Variants in TMEM108 observed in about 807,000 individuals in gnomAD.
TMEM108 encodes cancer/testis antigen 124.
Under a neutral mutation model 35.1 loss-of-function variants are expected in TMEM108, and 12 were observed. That is an observed-to-expected ratio of 0.34 (90% confidence interval 0.22 to 0.55). The LOEUF (loss-of-function observed/expected upper bound fraction) is 0.55. Among genes scored for constraint, TMEM108 ranks in the 20% least tolerant of loss-of-function variants. TMEM108 has a pLI of 0.89. For synonymous variants in TMEM108, 287 were observed against 308.6 expected (o/e 0.93, Z 0.73); for missense variants, 680 against 753.3 (o/e 0.90, Z 1.14).
rs551932036 is a variant in TMEM108, at chr3:133,177,210, A to G, written c.-46-52056A>G. On this transcript the variant is annotated intron_variant, in intron 2 of 5. Coordinates refer to ENST00000321871, the MANE Select transcript of TMEM108 (RefSeq NM_023943.4). ...ACCAAAAAAGTCCAGGACCAGATGGATTCACAGCCGAATTCTACCAGAGGT... is the reference window on the plus strand; with the variant it reads ...ACCAAAAAAGTCCAGGACCAGATGGGTTCACAGCCGAATTCTACCAGAGGT... Among the ~76,000 whole-genome samples the G allele has an allele frequency of 2.6e-5, 4 of 152,348 alleles. No homozygotes were observed. In the South Asian group the frequency reaches 8.3e-4, roughly 32 times the overall value.
intron 3 of TMEM108, among the ~76,000 whole-genome samples, chr3:133,342,555 T>TATATATATATAC (rs60991711): frequency 0.083 from 5,268 of 63,444 alleles, 871 homozygotes; most frequent in Non-Finnish European, 0.14. Flanking sequence ...TATATATATA[T>TATATATATATAC]ACACACACAC....
intron 3 of TMEM108, among the ~76,000 whole-genome samples, chr3:133,304,888 C>T (rs1018600409): frequency 2.0e-5 from 3 of 151,968 alleles, no homozygotes; most frequent in Non-Finnish European, 4.4e-5. Flanking sequence ...TCAACAGCAG[C>T]TTGACCAACA....
chr3:133,350,415 A>G (rs1031013494), intron 3 of TMEM108, among the ~76,000 whole-genome samples: 5 of 151,922 alleles, frequency 3.3e-5, no homozygotes, highest in Admixed American at 6.6e-5. Flanking sequence ...ACTAAATACT[A>G]GAAGAGAGGC....
At chr3:133,315,539 C>T (rs2071188526) in intron 3 of TMEM108, among the ~76,000 whole-genome samples, 1 of 152,194 alleles carries the variant, frequency 6.6e-6, no homozygotes, top group African/African-American at 2.4e-5. Context: ...ACACAGATTC[C>T]ATAAAGAGCC....
At chr3:133,076,734 A>G (rs1943747021) in intron 2 of TMEM108, among the ~76,000 whole-genome samples, 2 of 152,206 alleles carry the variant, frequency 1.3e-5, no homozygotes, top group Non-Finnish European at 2.9e-5. Context: ...GCCAACAGAC[A>G]GTTTTCTGGG....
intron 3 of TMEM108, among the ~76,000 whole-genome samples, chr3:133,352,406 T>G (rs955262660): frequency 1.3e-5 from 2 of 152,120 alleles, no homozygotes; most frequent in African/African-American, 2.4e-5. Flanking sequence ...AACTGGGTGT[T>G]CTACAATTTA....
At chr3:133,363,593 A>T (rs778678383) in intron 3 of TMEM108, among the ~76,000 whole-genome samples, 3 of 151,828 alleles carry the variant, frequency 2.0e-5, no homozygotes, top group Admixed American at 6.6e-5. Context: ...TTTTTTAGAG[A>T]CAGGGTTTTG....
chr3:133,137,444 A>T (rs997088625), intron 2 of TMEM108, among the ~76,000 whole-genome samples: 3 of 152,166 alleles, frequency 2.0e-5, no homozygotes, highest in African/African-American at 7.2e-5. Context: ...CCATCCTGTC[A>T]CGCCTGCCCC....
intron 2 of TMEM108, among the ~76,000 whole-genome samples, chr3:133,220,164 G>C (rs746774419): frequency 1.1e-4 from 16 of 143,246 alleles, no homozygotes; most frequent in African/African-American, 3.9e-4. Context: ...TTTTATTTCT[G>C]TTTGCATGGA....
chr3:133,329,891 C>A (rs2071374489), intron 3 of TMEM108, among the ~76,000 whole-genome samples: 1 of 152,044 alleles, frequency 6.6e-6, no homozygotes, highest in South Asian at 2.1e-4. Flanking sequence ...TGGTTATATT[C>A]CCTCTACCTA....
At chr3:133,163,035 A>G (rs1363789830) in intron 2 of TMEM108, among the ~76,000 whole-genome samples, 1 of 152,116 alleles carries the variant, frequency 6.6e-6, no homozygotes, top group Admixed American at 6.5e-5. Flanking sequence ...TTTGAGTTTA[A>G]TGTCTGTTGC....
At chr3:133,052,860 G>A (rs1943423619) in intron 2 of TMEM108, among the ~76,000 whole-genome samples, 1 of 152,090 alleles carries the variant, frequency 6.6e-6, no homozygotes, top group Non-Finnish European at 1.5e-5. Context: ...AAGTCATTGT[G>A]TCAATCAAGA....
intron 3 of TMEM108, among the ~76,000 whole-genome samples, chr3:133,300,044 T>C (rs1332228799): frequency 6.6e-6 from 1 of 152,192 alleles, no homozygotes; most frequent in Non-Finnish European, 1.5e-5. Flanking sequence ...AGTGTGTTAA[T>C]GGCATAGTTA....
At chr3:133,387,479 C>T (rs2073169503) in intron 4 of TMEM108, 1 of 985,478 alleles carries the variant, frequency 1.0e-6, no homozygotes, top group African/African-American at 1.7e-5. Context: ...ACTCCCAGGC[C>T]TTCCCGCAGG....
intron 2 of TMEM108, among the ~76,000 whole-genome samples, chr3:133,058,226 T>G (rs1353998458): frequency 1.3e-5 from 2 of 152,214 alleles, no homozygotes; most frequent in Non-Finnish European, 2.9e-5. Context: ...CACCTTCATT[T>G]TTAAATAAAC....
chr3:133,049,976 AT>A (rs1210737950), intron 2 of TMEM108, among the ~76,000 whole-genome samples: 1 of 152,196 alleles, frequency 6.6e-6, no homozygotes, highest in Non-Finnish European at 1.5e-5. Context: ...TACAGCACAG[AT>A]TTAGTAATTA....
chr3:133,326,788 T>TC (rs1173676190), intron 3 of TMEM108, among the ~76,000 whole-genome samples: 5 of 152,210 alleles, frequency 3.3e-5, no homozygotes, highest in African/African-American at 1.2e-4. Context: ...AATTCTGTCT[T>TC]CATCGATTAC....
chr3:133,067,719 G>A (rs1001581072), intron 2 of TMEM108, among the ~76,000 whole-genome samples: 6 of 152,148 alleles, frequency 3.9e-5, no homozygotes, highest in Admixed American at 2.0e-4. Context: ...CTGTAAACAA[G>A]TATGTGATAA....
intron 2 of TMEM108, among the ~76,000 whole-genome samples, chr3:133,147,804 G>A (rs900591607): frequency 6.6e-6 from 1 of 152,122 alleles, no homozygotes; most frequent in Non-Finnish European, 1.5e-5. Context: ...ATCCTTGTCT[G>A]ATTAAAAACT....
Sources: gnomAD v4.1 joint callset for allele counts (sites outside exome capture counted in the v4.1 genomes callset) on GRCh38, gnomAD v4.1.1 for gene constraint, MANE v1.5 for transcripts, NCBI Gene and HGNC (gene_info 2026-07-23, HGNC 2026-07-21) for gene names.